MAF: variants seen among roughly 807,000 people sequenced by gnomAD.
MAF encodes MAF bZIP transcription factor, also known as transcription factor Maf.
Under a neutral mutation model 22.0 loss-of-function variants are expected in MAF, and 10 were observed. The ratio of observed to expected loss-of-function variants is 0.45; its 90% CI spans 0.28 to 0.77. MAF has a LOEUF of 0.77. Ranked by LOEUF, MAF falls within the 30% of genes least tolerant of loss-of-function variation. The pLI, the probability that MAF is intolerant of heterozygous loss-of-function variation, is 0.12. For synonymous variants in MAF, 337 were observed against 255.8 expected (o/e 1.32, Z -3.03); for missense variants, 544 against 548.4 (o/e 0.99, Z 0.08).
At chr16:79,211,401 C>T in the MAF span, among the ~76,000 whole-genome samples, 7 of 152,138 alleles carry the variant, frequency 4.6e-5, no homozygotes, top group South Asian at 2.1e-4. Flanking sequence ...GCTTTACAAG[C>T]GGAGTTTATG....
At chr16:79,330,262 T>C in the MAF span, among the ~76,000 whole-genome samples, 1 of 152,238 alleles carries the variant, frequency 6.6e-6, no homozygotes, top group Admixed American at 6.5e-5. Context: ...GGGCATTTTG[T>C]TTTTGAGAAC....
At chr16:79,502,466 G>C in the MAF span, among the ~76,000 whole-genome samples, 1 of 151,824 alleles carries the variant, frequency 6.6e-6, no homozygotes, top group Admixed American at 6.6e-5. Flanking sequence ...ACAAATTCGA[G>C]ACCACTCTGG....
In MAF at chr16:79,599,176, C is replaced by T. The variant is rs1328774944; in HGVS notation, c.727G>A (p.Gly243Arg). Residue 243 changes from glycine (G) to arginine (R), a missense_variant, in exon 1 of 2, where the codon GGG becomes AGG. Gly to Arg is a moderately radical substitution (Grantham distance 125, BLOSUM62 -2). Around this residue, in one of 5 missense-constraint regions of MAF, gnomAD observed 342 missense variants for 315.5 expected, o/e 1.08. Coordinates refer to ENST00000326043, the MANE Select transcript of MAF (RefSeq NM_005360.5). Reference protein sequence around the residue: ...GGGGGGAAGAGGALHPHHAAG... With the variant: ...GGGGGGAAGARGALHPHHAAG... ...GCGTGGTGCGGGTGCAGGGCGCCCC[C>T]CGCCCCCGCCGCGCCCCCGCCGCCT... 8.5e-7 allele frequency: 1 copy of T among 1,179,986 alleles called. No homozygotes were observed. The highest frequency in any genetic ancestry group is 3.8e-5 in the South Asian group (1 of 26,370). 73.1% of individuals were successfully genotyped at this position (1,179,986 alleles called of 1,614,324 possible).
chr16:79,358,606 C>A, the MAF span, among the ~76,000 whole-genome samples: 186 of 152,286 alleles, frequency 1.2e-3, 1 homozygote, highest in African/African-American at 4.3e-3. Context: ...AAAATGTGAA[C>A]AAGTCACTTT....
At chr16:79,509,611 G>T in the MAF span, among the ~76,000 whole-genome samples, 8 of 152,250 alleles carry the variant, frequency 5.3e-5, no homozygotes, top group African/African-American at 1.9e-4. Flanking sequence ...CCAGCACAGG[G>T]CAGGAAAGAC....
At chr16:79,581,474 C>T (rs113388334), downstream of MAF, among the ~76,000 whole-genome samples, 1,931 of 152,304 alleles carry the variant, frequency 0.013, 44 homozygotes, top group African/African-American at 0.044. Flanking sequence ...CTGCTGGCAG[C>T]ACCCAGGAGC....
chr16:79,254,402 C>T, the MAF span, among the ~76,000 whole-genome samples: 2 of 152,172 alleles, frequency 1.3e-5, no homozygotes, highest in Admixed American at 1.3e-4. Flanking sequence ...GATCCTCTTA[C>T]ATTTTATTTA....
the MAF span, among the ~76,000 whole-genome samples, chr16:79,406,312 C>T: frequency 6.6e-6 from 1 of 152,228 alleles, no homozygotes; most frequent in African/African-American, 2.4e-5. Context: ...GCATAGGATT[C>T]ACATGGTTTC....
the MAF span, among the ~76,000 whole-genome samples, chr16:79,352,443 G>A: frequency 6.6e-6 from 1 of 152,102 alleles, no homozygotes; most frequent in African/African-American, 2.4e-5. Flanking sequence ...TGAGCTGTGG[G>A]AATTTGGGCA....
the MAF span, among the ~76,000 whole-genome samples, chr16:79,393,457 C>G: frequency 1.3e-5 from 2 of 152,358 alleles, no homozygotes; most frequent in East Asian, 3.9e-4. Context: ...GACCTTCTTT[C>G]TGAGTCTCTC....
At chr16:79,572,865 A>T in the MAF span, among the ~76,000 whole-genome samples, 1 of 152,200 alleles carries the variant, frequency 6.6e-6, no homozygotes, top group Non-Finnish European at 1.5e-5. Context: ...AATGTGTATA[A>T]AAAGGTGTTA....
At chr16:79,466,906 G>T in the MAF span, among the ~76,000 whole-genome samples, 2 of 152,184 alleles carry the variant, frequency 1.3e-5, no homozygotes, top group African/African-American at 4.8e-5. Context: ...TACCAGTGTG[G>T]AAGAGGGGAC....
chr16:79,490,270 C>T, the MAF span, among the ~76,000 whole-genome samples: 4 of 152,178 alleles, frequency 2.6e-5, no homozygotes, highest in Non-Finnish European at 5.9e-5. Context: ...AATCTCCCTT[C>T]GTCTTGATAG....
the MAF span, among the ~76,000 whole-genome samples, chr16:79,428,563 G>C: frequency 6.6e-6 from 1 of 152,236 alleles, no homozygotes; most frequent in African/African-American, 2.4e-5. Context: ...GGAGGGACAG[G>C]GTGCAGTGGC....
chr16:79,419,169 G>T, the MAF span, among the ~76,000 whole-genome samples: 1 of 152,162 alleles, frequency 6.6e-6, no homozygotes. Context: ...CCAGGTAAGG[G>T]CAATCATGGG....
the MAF span, among the ~76,000 whole-genome samples, chr16:79,259,717 C>A: frequency 6.6e-6 from 1 of 152,136 alleles, no homozygotes; most frequent in African/African-American, 2.4e-5. Flanking sequence ...GGGGGCAGGA[C>A]TGCTGGTCAT....
chr16:79,526,489 G>A, the MAF span, among the ~76,000 whole-genome samples: 2 of 152,286 alleles, frequency 1.3e-5, no homozygotes, highest in African/African-American at 4.8e-5. Context: ...GTTCCTTAAA[G>A]GTCAGTGGCT....
At chr16:79,299,306 T>A in the MAF span, among the ~76,000 whole-genome samples, 5 of 145,056 alleles carry the variant, frequency 3.4e-5, no homozygotes, top group South Asian at 8.6e-4. Flanking sequence ...TCTGCCAGGC[T>A]TAGAAAAAGA....
At chr16:79,576,794 A>C in the MAF span, among the ~76,000 whole-genome samples, 1 of 152,188 alleles carries the variant, frequency 6.6e-6, no homozygotes, top group African/African-American at 2.4e-5. Context: ...TATCATATTT[A>C]ATCCAGGTGC....
Sources: gnomAD v4.1 joint callset for allele counts (sites outside exome capture counted in the v4.1 genomes callset) on GRCh38, gnomAD v4.1.1 for gene constraint, gnomAD v4.1.1 regional missense constraint, MANE v1.5 for transcripts, NCBI Gene and HGNC (gene_info 2026-07-23, HGNC 2026-07-21) for gene names.